ADGRL2: variants seen among roughly 807,000 people sequenced by gnomAD.
ADGRL2 encodes the protein adhesion G protein-coupled receptor L2.
ADGRL2 carries 44 observed loss-of-function variants against 157.4 expected under a neutral mutation model. The observed-to-expected ratio is 0.28, with a 90% CI of 0.22 to 0.36. ADGRL2 has a LOEUF of 0.36. Among genes scored for constraint, ADGRL2 ranks in the 10% least tolerant of loss-of-function variants. The probability of loss-of-function intolerance (pLI) is 1.00; values close to 1 mark genes in which losing one functional copy is unlikely to be tolerated. For synonymous variants in ADGRL2, 585 were observed against 624.7 expected (o/e 0.94, Z 0.95); for missense variants, 1,510 against 1,768.9 (o/e 0.85, Z 2.63).
At chr1:81,402,938 G>T (rs1390790882) in intron 1 of ADGRL2, among the ~76,000 whole-genome samples, 1 of 152,198 alleles carries the variant, frequency 6.6e-6, no homozygotes, top group African/African-American at 2.4e-5. Context: ...AGAGATAAAA[G>T]AATAAGCAAA....
intron 2 of ADGRL2, among the ~76,000 whole-genome samples, chr1:81,521,113 C>T (rs2079304535): frequency 6.6e-6 from 1 of 152,248 alleles, no homozygotes; most frequent in Admixed American, 6.5e-5. Context: ...AGGTCATGTA[C>T]TCAGCTAAAA....
At chr1:81,903,997 A>G (rs2094540407) in intron 2 of ADGRL2, among the ~76,000 whole-genome samples, 1 of 151,872 alleles carries the variant, frequency 6.6e-6, no homozygotes, top group South Asian at 2.1e-4. Context: ...ATTTTCATTG[A>G]TAAGTAGTTT....
chr1:81,993,397 C>A lies in ADGRL2; in HGVS notation c.*2252C>A, dbSNP rs1466109258. ...TGTGTAATTCCTAGTATACAAGCTACCTAGAGTCAGGCTGGTTCAGTAATA... is the reference window on the plus strand; with the variant it reads ...TGTGTAATTCCTAGTATACAAGCTAACTAGAGTCAGGCTGGTTCAGTAATA... On this transcript the variant is annotated 3_prime_UTR_variant, in exon 24 of 24. Coordinates refer to ENST00000686636, the MANE Select transcript of ADGRL2 (RefSeq NM_001366006.2). 1.3e-5 allele frequency among the ~76,000 whole-genome samples: 2 copies of A among 151,778 alleles called. No homozygotes were observed. Among genetic ancestry groups the A allele is most frequent in the African/African-American group, 4.8e-5 (2 of 41,284 alleles).
intron 1 of ADGRL2, among the ~76,000 whole-genome samples, chr1:81,412,417 C>T (rs1435552903): frequency 6.6e-6 from 1 of 152,258 alleles, no homozygotes; most frequent in Non-Finnish European, 1.5e-5. Flanking sequence ...TATCTTTCCT[C>T]TTCACCATCT....
At chr1:81,903,684 A>G (rs1415764447) in intron 2 of ADGRL2, among the ~76,000 whole-genome samples, 4 of 148,162 alleles carry the variant, frequency 2.7e-5, no homozygotes, top group Non-Finnish European at 5.9e-5. Flanking sequence ...CTCTCTTCAT[A>G]TTTGTTTTTT....
chr1:81,725,353 C>A (rs2149147329), intron 1 of ADGRL2, among the ~76,000 whole-genome samples: 1 of 151,966 alleles, frequency 6.6e-6, no homozygotes, highest in African/African-American at 2.4e-5. Context: ...GTCTGGCCAA[C>A]ATAGTGAAAC....
At chr1:81,588,330 G>C (rs562561306) in intron 3 of ADGRL2, 2 of 152,388 alleles carry the variant, frequency 1.3e-5, no homozygotes, top group African/African-American at 4.8e-5. Flanking sequence ...GATGCCAATA[G>C]CAGCCACTGC....
intron 1 of ADGRL2, among the ~76,000 whole-genome samples, chr1:81,315,111 A>G (rs775470163): frequency 6.6e-6 from 1 of 152,172 alleles, no homozygotes; most frequent in African/African-American, 2.4e-5. Flanking sequence ...TTCAGAATTT[A>G]CATGTGTAGT....
chr1:81,773,946 AT>A (rs2086474832), intron 2 of ADGRL2, among the ~76,000 whole-genome samples: 1 of 152,176 alleles, frequency 6.6e-6, no homozygotes, highest in African/African-American at 2.4e-5. Context: ...GGAAGGGAAG[AT>A]TAGGACACGG....
intron 2 of ADGRL2, among the ~76,000 whole-genome samples, chr1:81,781,485 G>A (rs951676630): frequency 1.3e-5 from 2 of 152,074 alleles, no homozygotes; most frequent in East Asian, 1.9e-4. Context: ...CAGAATCTAG[G>A]CTTTAAAAGG....
chr1:81,428,181 A>G (rs2077253389), intron 1 of ADGRL2, among the ~76,000 whole-genome samples: 1 of 152,144 alleles, frequency 6.6e-6, no homozygotes, highest in Admixed American at 6.5e-5. Flanking sequence ...CCATTTCCAA[A>G]CCATGACATG....
At chr1:81,474,510 C>T (rs537571469) in intron 2 of ADGRL2, among the ~76,000 whole-genome samples, 1 of 152,280 alleles carries the variant, frequency 6.6e-6, no homozygotes, top group South Asian at 2.1e-4. Flanking sequence ...TGTTCAATAA[C>T]CTGGACACTT....
chr1:81,524,248 C>A (rs1480749350), intron 2 of ADGRL2, among the ~76,000 whole-genome samples: 1 of 152,044 alleles, frequency 6.6e-6, no homozygotes, highest in Non-Finnish European at 1.5e-5. Context: ...CGCCTGTAGT[C>A]CCAGCTACTC....
intron 2 of ADGRL2, among the ~76,000 whole-genome samples, chr1:81,480,625 A>G (rs1298722297): frequency 2.0e-5 from 3 of 152,208 alleles, no homozygotes; most frequent in African/African-American, 7.2e-5. Flanking sequence ...TTAAAAATTT[A>G]CTGATTTATA....
At chr1:81,669,942 CAAAA>C (rs11389637) in intron 3 of ADGRL2, among the ~76,000 whole-genome samples, 14 of 88,018 alleles carry the variant, frequency 1.6e-4, no homozygotes, top group Non-Finnish European at 2.5e-4. Context: ...GACTACGTCT[CAAAA>C]AAAAAAAAAA....
At chr1:81,860,651 T>C (rs2093359682) in intron 2 of ADGRL2, among the ~76,000 whole-genome samples, 2 of 152,144 alleles carry the variant, frequency 1.3e-5, no homozygotes. Flanking sequence ...AATTCAAGAT[T>C]TGGGATTTTG....
chr1:81,740,553 A>G (rs1305907873), intron 1 of ADGRL2, among the ~76,000 whole-genome samples: 1 of 152,204 alleles, frequency 6.6e-6, no homozygotes, highest in East Asian at 1.9e-4. Flanking sequence ...AAATAATCCT[A>G]ACAAGGTTGA....
intron 2 of ADGRL2, among the ~76,000 whole-genome samples, chr1:81,884,583 G>T (rs1036224934): frequency 6.6e-6 from 1 of 152,128 alleles, no homozygotes; most frequent in Non-Finnish European, 1.5e-5. Context: ...AAAACACTAT[G>T]TATCTGCTCT....
intron 2 of ADGRL2, among the ~76,000 whole-genome samples, chr1:81,899,976 G>A (rs2094458438): frequency 6.6e-6 from 1 of 152,084 alleles, no homozygotes; most frequent in East Asian, 1.9e-4. Flanking sequence ...GTTTGGAGAG[G>A]CATTAAAGTA....
Sources: allele counts gnomAD v4.1 joint callset (sites outside exome capture counted in the v4.1 genomes callset), GRCh38; gene constraint gnomAD v4.1.1; transcripts MANE v1.5; gene names NCBI Gene and HGNC (gene_info 2026-07-23, HGNC 2026-07-21).